ATXN1: variants seen among roughly 807,000 people sequenced by gnomAD.
ATXN1 encodes the protein ataxin-1.
In ATXN1, 8 loss-of-function variants were observed where a neutral mutation model predicts 56.4. That is an observed-to-expected ratio of 0.14 (90% CI 0.08 to 0.26). The LOEUF (loss-of-function observed/expected upper bound fraction) is 0.26, where lower values mean the gene tolerates loss of function less well. Ranked by LOEUF, ATXN1 falls within the 10% of genes least tolerant of loss-of-function variation. The probability of loss-of-function intolerance (pLI) is 1.00; values close to 1 mark genes in which losing one functional copy is unlikely to be tolerated. For synonymous variants in ATXN1, 514 were observed against 494.6 expected, an observed-to-expected ratio of 1.04 and a Z score of -0.52; for missense variants, 987 against 1,106.5, an observed-to-expected ratio of 0.89 and a Z score of 1.53.
intron 7 of ATXN1, among the ~76,000 whole-genome samples, chr6:16,311,690 G>A (rs1760394357): frequency 6.6e-6 from 1 of 152,198 alleles, no homozygotes; most frequent in South Asian, 2.1e-4. Context: ...TAAGTAGGAG[G>A]ACCAATCTGG....
intron 5 of ATXN1, among the ~76,000 whole-genome samples, chr6:16,513,412 A>G (rs1459002023): frequency 6.6e-6 from 1 of 152,200 alleles, no homozygotes; most frequent in Non-Finnish European, 1.5e-5. Flanking sequence ...TATGCTTGAA[A>G]CTATAGGAAA....
chr6:16,420,284 A>T (rs771113703), intron 6 of ATXN1, among the ~76,000 whole-genome samples: 2 of 152,212 alleles, frequency 1.3e-5, no homozygotes, highest in African/African-American at 2.4e-5. Flanking sequence ...GTCTCTGGGG[A>T]CCTTCAGACA....
chr6:16,743,267 G>A (rs1327131250), intron 2 of ATXN1, among the ~76,000 whole-genome samples: 2 of 152,152 alleles, frequency 1.3e-5, no homozygotes, highest in East Asian at 1.9e-4. Flanking sequence ...ACTCTATTAC[G>A]TACAGCTTTC....
chr6:16,330,756 C>G (rs1010101551), intron 6 of ATXN1, among the ~76,000 whole-genome samples: 1 of 152,078 alleles, frequency 6.6e-6, no homozygotes, highest in Non-Finnish European at 1.5e-5. Context: ...AATGAAATGA[C>G]AAATGATACA....
intron 6 of ATXN1, among the ~76,000 whole-genome samples, chr6:16,391,655 AAG>A (rs1758357004): frequency 6.6e-6 from 1 of 152,188 alleles, no homozygotes; most frequent in Non-Finnish European, 1.5e-5. Flanking sequence ...AACAACTGGC[AAG>A]AGAGAGTTTT....
intron 6 of ATXN1, among the ~76,000 whole-genome samples, chr6:16,388,327 T>A (rs2113517212): frequency 6.6e-6 from 1 of 152,254 alleles, no homozygotes; most frequent in African/African-American, 2.4e-5. Context: ...GCTACCAAAA[T>A]ACAGAACTTT....
intron 2 of ATXN1, chr6:16,666,520 C>CT (rs199691297): frequency 0.014 from 2,086 of 153,554 alleles, 31 homozygotes; most frequent in Middle Eastern, 0.026. Flanking sequence ...TTCTTTCTTT[C>CT]TTTTTTTTTG....
chr6:16,437,672 GC>G lies in ATXN1; in HGVS notation c.-161+48299del, dbSNP rs1374649702. Among the ~76,000 whole-genome samples the G allele has an allele frequency of 2.0e-5, 3 of 152,184 alleles. No individual in the cohort carries two copies. In the East Asian group the frequency reaches 5.8e-4, roughly 29 times the overall value. ...ATCCAAGCTCCTTGTGTCTCTTCCT[GC>G]TTTAATTATAATTTGATTAACTTAC... is the stretch of plus-strand genomic sequence containing the variant. On this transcript the variant is annotated intron_variant, in intron 6 of 7. Transcript: ENST00000436367.
intron 1 of ATXN1, among the ~76,000 whole-genome samples, chr6:16,757,738 C>A (rs12194640): frequency 6.6e-6 from 1 of 151,298 alleles, no homozygotes; most frequent in Admixed American, 6.6e-5. Flanking sequence ...TTTCAAATAC[C>A]AGGGTTATGA....
chr6:16,499,563 G>A (rs1760842565), intron 5 of ATXN1, among the ~76,000 whole-genome samples: 1 of 152,158 alleles, frequency 6.6e-6, no homozygotes, highest in Non-Finnish European at 1.5e-5. Context: ...TGCTGACTTT[G>A]GGTTGCATTT....
At chr6:16,386,956 A>G (rs1292309492) in intron 6 of ATXN1, among the ~76,000 whole-genome samples, 23 of 152,162 alleles carry the variant, frequency 1.5e-4, no homozygotes. Flanking sequence ...ACAGGCGTGA[A>G]CTACCGTGCC....
chr6:16,686,839 T>G (rs192176406), intron 2 of ATXN1, among the ~76,000 whole-genome samples: 1 of 152,328 alleles, frequency 6.6e-6, no homozygotes. Flanking sequence ...GTGGCCAGGA[T>G]TATGTTTCTA....
intron 3 of ATXN1, among the ~76,000 whole-genome samples, chr6:16,637,818 G>A (rs2299066): frequency 0.65 from 98,523 of 152,024 alleles, 32,320 homozygotes; most frequent in African/African-American, 0.76. Context: ...TGTGAATCAC[G>A]ATTGTGACTC....
intron 4 of ATXN1, among the ~76,000 whole-genome samples, chr6:16,579,930 C>A (rs544757437): frequency 4.6e-5 from 7 of 151,894 alleles, no homozygotes; most frequent in African/African-American, 1.7e-4. Context: ...CAAAAAAAAA[C>A]TACCTTCCCA....
chr6:16,342,664 A>C (rs1323400471), intron 6 of ATXN1, among the ~76,000 whole-genome samples: 4 of 152,248 alleles, frequency 2.6e-5, no homozygotes, highest in Non-Finnish European at 5.9e-5. Context: ...GTATATCCTT[A>C]TGACGAGCTA....
intron 6 of ATXN1, among the ~76,000 whole-genome samples, chr6:16,333,837 G>A (rs1162804651): frequency 6.6e-6 from 1 of 152,168 alleles, no homozygotes; most frequent in African/African-American, 2.4e-5. Context: ...TGGAAGGCCT[G>A]TGTGGTGCAC....
At chr6:16,438,051 T>A (rs1759430780) in intron 6 of ATXN1, among the ~76,000 whole-genome samples, 1 of 152,222 alleles carries the variant, frequency 6.6e-6, no homozygotes, top group Non-Finnish European at 1.5e-5. Flanking sequence ...AGGCATTAGA[T>A]TCTCATAAGG....
chr6:16,710,041 G>C (rs1257308276), intron 2 of ATXN1, among the ~76,000 whole-genome samples: 1 of 152,006 alleles, frequency 6.6e-6, no homozygotes, highest in Admixed American at 6.6e-5. Context: ...TTAGAAAAAA[G>C]AGAATAGAAG....
At chr6:16,555,454 C>G (rs891640199) in intron 4 of ATXN1, among the ~76,000 whole-genome samples, 2 of 152,172 alleles carry the variant, frequency 1.3e-5, no homozygotes, top group African/African-American at 2.4e-5. Context: ...GTTGGCTTCT[C>G]CTAAACACAC....
Sources: allele counts gnomAD v4.1 joint callset (sites outside exome capture counted in the v4.1 genomes callset), GRCh38; gene constraint gnomAD v4.1.1; transcripts MANE v1.5; gene names NCBI Gene and HGNC (gene_info 2026-07-23, HGNC 2026-07-21).